GYPE: variants seen among roughly 807,000 people sequenced by gnomAD.
GYPE encodes glycophorin E (MNS blood group).
GYPE carries 8 observed loss-of-function variants against 11.6 expected under a neutral mutation model. The ratio of observed to expected loss-of-function variants is 0.69; its 90% CI spans 0.41 to 1.25. The LOEUF is 1.25. Ranked by LOEUF, GYPE falls within the 50% of genes most tolerant of loss-of-function variation. GYPE has a pLI of 0.01. For missense variants in GYPE, 90 were observed against 92.8 expected (o/e 0.97, Z 0.12); for synonymous variants, 28 against 29.6 (o/e 0.94, Z 0.18).
intron 3 of GYPE, chr4:143,875,307 C>A: frequency 1.5e-6 from 1 of 672,288 alleles, no homozygotes; most frequent in Non-Finnish European, 2.5e-6. Flanking sequence ...GACTATACTA[C>A]ATGCAAATAA....
chr4:143,879,649 T>C (rs1461709994), intron 2 of GYPE, among the ~76,000 whole-genome samples: 2 of 152,192 alleles, frequency 1.3e-5, no homozygotes, highest in African/African-American at 4.8e-5. Flanking sequence ...GTAACAGAAT[T>C]TTCTGAAACT....
intron 1 of GYPE, among the ~76,000 whole-genome samples, chr4:143,900,759 T>A (rs1460669256): frequency 6.6e-6 from 1 of 152,172 alleles, no homozygotes; most frequent in Non-Finnish European, 1.5e-5. Context: ...ATGATTCCAT[T>A]TATATGAAAT....
intron 1 of GYPE, among the ~76,000 whole-genome samples, chr4:143,900,196 T>C (rs1447080618): frequency 6.8e-6 from 1 of 146,962 alleles, no homozygotes; most frequent in Admixed American, 6.8e-5. Context: ...CATGAGAAGA[T>C]TCTCAGCATC....
At chr4:143,894,301 C>G (rs1289009866) in intron 1 of GYPE, among the ~76,000 whole-genome samples, 1 of 152,160 alleles carries the variant, frequency 6.6e-6, no homozygotes, top group East Asian at 1.9e-4. Flanking sequence ...AAGCCTTCTT[C>G]TCTCAATTCG....
chr4:143,874,320 A>C (rs986326778), intron 3 of GYPE, among the ~76,000 whole-genome samples: 5 of 152,034 alleles, frequency 3.3e-5, no homozygotes, highest in Admixed American at 2.6e-4. Flanking sequence ...CCACAGAAAG[A>C]ACTTTTAATG....
chr4:143,894,745 A>G (rs1170945363), intron 1 of GYPE, among the ~76,000 whole-genome samples: 1 of 152,182 alleles, frequency 6.6e-6, no homozygotes, highest in Non-Finnish European at 1.5e-5. Flanking sequence ...CATTGATGCA[A>G]AAATCCTCAA....
intron 1 of GYPE, among the ~76,000 whole-genome samples, 199 bp downstream of exon 1, chr4:143,905,271 GC>G (rs1745016352): frequency 6.6e-6 from 1 of 152,136 alleles, no homozygotes; most frequent in African/African-American, 2.4e-5. Flanking sequence ...ACTGGATTCG[GC>G]CATAAATACT....
At chr4:143,878,426 G>T (rs1354486981) in intron 2 of GYPE, among the ~76,000 whole-genome samples, 5 of 152,148 alleles carry the variant, frequency 3.3e-5, no homozygotes, top group Non-Finnish European at 7.3e-5. Context: ...ATGAGCCACT[G>T]CCCCTGGCCC....
intron 1 of GYPE, among the ~76,000 whole-genome samples, chr4:143,896,602 T>C (rs1744651210): frequency 6.6e-6 from 1 of 152,178 alleles, no homozygotes. Flanking sequence ...AGTGTGGCGA[T>C]TCCTCAGGGA....
chr4:143,882,682 G>T (rs1744086169), intron 1 of GYPE, among the ~76,000 whole-genome samples: 1 of 152,130 alleles, frequency 6.6e-6, no homozygotes, highest in Non-Finnish European at 1.5e-5. Context: ...CTTCACTCAG[G>T]TGTGCTTGTC....
intron 3 of GYPE, chr4:143,875,629 T>G (rs1260328388): frequency 1.3e-6 from 2 of 1,482,292 alleles, no homozygotes; most frequent in African/African-American, 1.4e-5. Flanking sequence ...ATTGGAGGCT[T>G]CTAAAGGGTA....
chr4:143,893,534 TG>T (rs771933480), intron 1 of GYPE, among the ~76,000 whole-genome samples: 5 of 152,032 alleles, frequency 3.3e-5, no homozygotes, highest in Non-Finnish European at 5.9e-5. Context: ...AGCATTTGCT[TG>T]TCTGTAAAGT....
intron 1 of GYPE, among the ~76,000 whole-genome samples, chr4:143,904,228 A>T (rs1392264128): frequency 1.3e-5 from 2 of 151,990 alleles, no homozygotes; most frequent in Admixed American, 6.6e-5. Flanking sequence ...GCTTATTTTA[A>T]TAATATATTA....
At chr4:143,878,810 T>C in intron 2 of GYPE, 1 of 371,678 alleles carries the variant, frequency 2.7e-6, no homozygotes. Context: ...ACTTTCAACA[T>C]CTAGCTAGTA....
chr4:143,883,773 A>T (rs1348133868), intron 1 of GYPE, among the ~76,000 whole-genome samples: 1 of 151,642 alleles, frequency 6.6e-6, no homozygotes, highest in Non-Finnish European at 1.5e-5. Flanking sequence ...TCATTTTAAG[A>T]CCAATGAAAT....
chr4:143,904,914 C>T (rs1018538242), intron 1 of GYPE, among the ~76,000 whole-genome samples: 2 of 151,882 alleles, frequency 1.3e-5, no homozygotes, highest in African/African-American at 4.8e-5. Context: ...ATTTAAATTT[C>T]TCCTAAAATT....
intron 3 of GYPE, chr4:143,873,360 G>A: frequency 2.3e-6 from 1 of 439,176 alleles, no homozygotes; most frequent in South Asian, 1.6e-5. Context: ...TTTTCACCTG[G>A]TTGGCAATAT....
intron 1 of GYPE, among the ~76,000 whole-genome samples, chr4:143,896,583 G>C (rs1744649433): frequency 6.6e-6 from 1 of 152,206 alleles, no homozygotes; most frequent in Non-Finnish European, 1.5e-5. Context: ...TTCAACCATT[G>C]TGGAAGTCAG....
intron 2 of GYPE, among the ~76,000 whole-genome samples, chr4:143,877,089 G>C (rs1015602643): frequency 6.6e-6 from 1 of 152,172 alleles, no homozygotes; most frequent in African/African-American, 2.4e-5. Context: ...ACAAATAGTT[G>C]ATGACAGAAC....
Sources: allele counts gnomAD v4.1 joint callset (sites outside exome capture counted in the v4.1 genomes callset), GRCh38; gene constraint gnomAD v4.1.1; transcripts MANE v1.5; gene names NCBI Gene and HGNC (gene_info 2026-07-23, HGNC 2026-07-21).